MROH2B: variants seen among roughly 807,000 people sequenced by gnomAD.
The protein encoded by MROH2B is maestro heat-like repeat-containing protein family member 2B.
In MROH2B, 177 loss-of-function variants were observed where a neutral mutation model predicts 208.6. The observed-to-expected ratio is 0.85, with a 90% CI of 0.75 to 0.96. MROH2B has a LOEUF of 0.96. MROH2B is among the 40% of genes least tolerant of loss of function. The pLI is 0.00. For missense variants in MROH2B, 2,002 were observed against 1,878.7 expected (o/e 1.07, Z -1.21); for synonymous variants, 728 against 659.0 (o/e 1.10, Z -1.60).
chr5:41,032,347 CA>C (rs1252208398), intron 24 of MROH2B, among the ~76,000 whole-genome samples: 1 of 151,956 alleles, frequency 6.6e-6, no homozygotes, highest in Non-Finnish European at 1.5e-5. Context: ...TAAAATATGC[CA>C]AAAAGTATTT....
intron 24 of MROH2B, among the ~76,000 whole-genome samples, chr5:41,027,448 T>C (rs928982089): frequency 9.9e-5 from 15 of 152,156 alleles, no homozygotes; most frequent in Non-Finnish European, 1.5e-4. Flanking sequence ...ATGCTCATCA[T>C]CACTGGCCAT....
At chr5:41,058,320 A>C in intron 6 of MROH2B, 117 bp from the exon 7 acceptor site, 1 of 1,016,136 alleles carries the variant, frequency 9.8e-7, no homozygotes, top group South Asian at 2.7e-5. Flanking sequence ...TTCAGCCAAG[A>C]AATAATTCTT....
At chr5:41,007,517 A>G (rs1741635441) in intron 33 of MROH2B, 63 bp from the exon 34 acceptor site, 6 of 1,357,464 alleles carry the variant, frequency 4.4e-6, no homozygotes, top group Non-Finnish European at 4.8e-6. Flanking sequence ...CAAATTCCCA[A>G]GTTTGCCTTT....
chr5:41,000,772 C>T lies in MROH2B; in HGVS notation c.4256G>A (p.Gly1419Glu). The change falls in exon 38 of 42, where the codon GGA becomes GAA. Residue 1419 changes from glycine to glutamate, a missense_variant. Transcript: ENST00000399564. ...AGCAAAAAAAATCTTCCACCTTCTTCCTGTTAGGGGTGCCAGGTCCTCAAA... is the reference window on the plus strand; with the variant it reads ...AGCAAAAAAAATCTTCCACCTTCTTTCTGTTAGGGGTGCCAGGTCCTCAAA... ...FLFEDLAPLT[G>E]RRWKIFFAEE... 6.2e-7 allele frequency: 1 copy of T among 1,611,522 alleles called. No individual in the cohort carries two copies. Among genetic ancestry groups the T allele is most frequent in the African/African-American group, 1.3e-5 (1 of 74,984 alleles).
At chr5:41,016,149 A>G (rs1367329032) in intron 28 of MROH2B, among the ~76,000 whole-genome samples, 2 of 152,186 alleles carry the variant, frequency 1.3e-5, no homozygotes, top group Admixed American at 1.3e-4. Flanking sequence ...CAGTGGTCCA[A>G]GTAACTGAAA....
At chr5:41,023,259 G>A (rs1343226510) in intron 24 of MROH2B, among the ~76,000 whole-genome samples, 5 of 152,158 alleles carry the variant, frequency 3.3e-5, no homozygotes, top group Admixed American at 3.3e-4. Flanking sequence ...AAAGGAGGAA[G>A]TTCGAACCCA....
rs1246122968 is a variant in MROH2B at position 41,007,360 on chromosome 5, G to A, written c.3703C>T (p.Leu1235Phe). ...ATGTGGTGGGTACTAGGACTGCTGAGTAGAGTCCATAAGTTGTCCCCCTCA... is the reference window on the plus strand; with the variant it reads ...ATGTGGTGGGTACTAGGACTGCTGAATAGAGTCCATAAGTTGTCCCCCTCA... The part of the protein sequence containing the change: ...SDEGDNLWTL[L>F]SSPSTHHIGV... The change falls in exon 34 of 42, where the codon CTC becomes TTC. Residue 1235 changes from leucine to phenylalanine, a missense_variant. Coordinates refer to ENST00000399564, the MANE Select transcript of MROH2B (RefSeq NM_173489.5). The A allele has an allele frequency of 1.3e-6, 2 of 1,543,718 alleles. No homozygotes were observed. Among genetic ancestry groups the A allele is most frequent in the East Asian group, 2.4e-5 (1 of 40,848 alleles).
chr5:41,012,383 A>C (rs1741800367), intron 30 of MROH2B, among the ~76,000 whole-genome samples, 200 bp downstream of exon 30: 1 of 152,226 alleles, frequency 6.6e-6, no homozygotes, highest in African/African-American at 2.4e-5. Context: ...TTTATATTAA[A>C]AGACAAGAGA....
intron 40 of MROH2B, among the ~76,000 whole-genome samples, chr5:40,998,907 C>T (rs1391024389): frequency 6.6e-6 from 1 of 152,124 alleles, no homozygotes; most frequent in Non-Finnish European, 1.5e-5. Context: ...GCAGAGTTCA[C>T]ACAATGATCT....
intron 19 of MROH2B, among the ~76,000 whole-genome samples, chr5:41,040,914 C>T (rs1161305865): frequency 6.6e-6 from 1 of 152,114 alleles, no homozygotes; most frequent in Non-Finnish European, 1.5e-5. Context: ...ATCTGCCTGC[C>T]TCAGCCTCCC....
intron 24 of MROH2B, among the ~76,000 whole-genome samples, chr5:41,026,733 A>G (rs1042026567): frequency 6.6e-6 from 1 of 152,220 alleles, no homozygotes; most frequent in African/African-American, 2.4e-5. Flanking sequence ...TTGCCAAGAC[A>G]ATCCTAAGCC....
intron 29 of MROH2B, among the ~76,000 whole-genome samples, chr5:41,014,263 T>C (rs549982904): frequency 1.3e-5 from 2 of 152,300 alleles, no homozygotes; most frequent in South Asian, 4.1e-4. Flanking sequence ...CATTTCAAAA[T>C]TGGCATAATT....
At chr5:41,034,795 A>G (rs1742699017) in intron 21 of MROH2B, among the ~76,000 whole-genome samples, 1 of 152,142 alleles carries the variant, frequency 6.6e-6, no homozygotes, top group South Asian at 2.1e-4. Flanking sequence ...TAGCATTTTC[A>G]TACACCAGTA....
Position 41,018,747 on chromosome 5 carries a change from G to T in MROH2B, c.2617C>A (p.Leu873Met). The T allele has an allele frequency of 6.2e-7, 1 of 1,613,844 alleles. No individual in the cohort carries two copies. Among genetic ancestry groups the T allele is most frequent in the Non-Finnish European group, 8.5e-7 (1 of 1,179,822 alleles). Residue 873 changes from leucine (L) to methionine (M), a missense_variant, in exon 26 of 42, where the codon CTG becomes ATG. Transcript: ENST00000399564. ...ERSMDALGKLLKTMMWDNVNA... is the reference protein window; with the variant it reads ...ERSMDALGKLMKTMMWDNVNA... ...ACATTATCCCACATCATGGTCTTCA[G>T]AAGTTTTCCTAGGGCGTCCATGGAT...
At chr5:41,006,446 AAGT>A (rs1224857889) in intron 34 of MROH2B, among the ~76,000 whole-genome samples, 1 of 152,236 alleles carries the variant, frequency 6.6e-6, no homozygotes, top group Non-Finnish European at 1.5e-5. Context: ...AAAGAACTAA[AAGT>A]AGATCTACCG....
At position 41,039,420 on chromosome 5, in the gene MROH2B, A is replaced by G. The variant is rs1742872186; in HGVS notation, c.2061+28T>C. ...AGGGTTGTCTGGCCTTGCAATACTGAGAATTTGAAGGAGATGATTCTTCTT... is the reference window on the plus strand; with the variant it reads ...AGGGTTGTCTGGCCTTGCAATACTGGGAATTTGAAGGAGATGATTCTTCTT... On this transcript the variant is annotated intron_variant, in intron 20 of 41. Coordinates refer to ENST00000399564, the MANE Select transcript of MROH2B (RefSeq NM_173489.5). 3 of 1,385,728 alleles carry G rather than the reference A, an allele frequency of 2.2e-6. No individual in the cohort carries two copies. The South Asian group carries it at 3.8e-5, about 18-fold the overall frequency. The allele number at this position is 1,385,728 out of a possible 1,614,324, so 85.8% of individuals were successfully genotyped here.
Position 41,015,427 on chromosome 5 carries a change from C to A in MROH2B, c.2936G>T (p.Ser979Ile), listed in dbSNP as rs1167436719. 1.9e-6 allele frequency: 3 copies of A among 1,613,654 alleles called. No individual in the cohort carries two copies. The highest frequency in any genetic ancestry group is 2.5e-6 in the Non-Finnish European group (3 of 1,179,698). Reference sequence around the variant, plus strand: ...CTTGATCTGAACCTGCACGTCATCACTTTCCAGCCCTTCCTGCAAACCCTG... The same window carrying A: ...CTTGATCTGAACCTGCACGTCATCAATTTCCAGCCCTTCCTGCAAACCCTG... ...RLQGLQEGLESDDVQVQIKIS... is the reference protein window; with the variant it reads ...RLQGLQEGLEIDDVQVQIKIS... The change falls in exon 29 of 42, where the codon AGT becomes ATT. Residue 979 changes from serine to isoleucine, a missense_variant. Transcript: ENST00000399564.
rs1227835665 is a variant in MROH2B, at chr5:41,039,459, T to C, written c.2050A>G (p.Asn684Asp). The C allele has an allele frequency of 1.3e-6, 2 of 1,585,954 alleles. No homozygotes were observed. Among genetic ancestry groups the C allele is most frequent in the Non-Finnish European group, 1.7e-6 (2 of 1,161,614 alleles). Residue 684 changes from asparagine to aspartate, a missense_variant, in exon 20 of 42, where the codon AAT becomes GAT. Coordinates refer to ENST00000399564, the MANE Select transcript of MROH2B (RefSeq NM_173489.5). ...TFQNQEKFFM[N>D]RCKSLFSGKK... ...ATGATTCTTCTTACCTTACATCGAT[T>C]CATGAAAAACTTTTCCTGATTTTGG...
chr5:41,026,134 G>T (rs1579924902), intron 24 of MROH2B, among the ~76,000 whole-genome samples: 1 of 152,148 alleles, frequency 6.6e-6, no homozygotes, highest in Non-Finnish European at 1.5e-5. Flanking sequence ...ACAAGACAGG[G>T]ATGCCTTCTC....
Sources: gnomAD v4.1 joint callset for allele counts (sites outside exome capture counted in the v4.1 genomes callset) on GRCh38, gnomAD v4.1.1 for gene constraint, MANE v1.5 for transcripts, NCBI Gene and HGNC (gene_info 2026-07-23, HGNC 2026-07-21) for gene names.